The following CNPY1 variants were observed in gnomAD, a reference collection of about 807,000 sequenced individuals.
The protein encoded by CNPY1 is canopy FGF signaling regulator 1, also known as protein canopy homolog 1.
CNPY1 carries 14 observed loss-of-function variants against 14.4 expected under a neutral mutation model. That is an observed-to-expected ratio of 0.97 (90% confidence interval 0.64 to 1.52). The LOEUF (loss-of-function observed/expected upper bound fraction) is 1.52, where lower values mean the gene tolerates loss of function less well. Among genes scored for constraint, CNPY1 ranks in the 40% most tolerant of loss-of-function variants. The probability of loss-of-function intolerance (pLI) is 0.00; values close to 1 mark genes in which losing one functional copy is unlikely to be tolerated. For missense variants in CNPY1, 129 were observed against 131.5 expected (o/e 0.98, Z 0.09); for synonymous variants, 43 against 46.5 (o/e 0.92, Z 0.31).
At chr7:155,514,994 T>G (rs1796590246) in intron 2 of CNPY1, among the ~76,000 whole-genome samples, 1 of 152,214 alleles carries the variant, frequency 6.6e-6, no homozygotes, top group South Asian at 2.1e-4. Context: ...AAATTCTGCG[T>G]GCTTCATCTC....
At chr7:155,515,304 C>T (rs116748504) in intron 2 of CNPY1, among the ~76,000 whole-genome samples, 6 of 137,468 alleles carry the variant, frequency 4.4e-5, no homozygotes, top group South Asian at 2.4e-4. Context: ...GCCCCCCCCC[C>T]CCCCGGCCCC....
At chr7:155,540,757 G>A (rs918436793) in intron 2 of CNPY1, among the ~76,000 whole-genome samples, 8 of 152,202 alleles carry the variant, frequency 5.3e-5, no homozygotes, top group African/African-American at 1.4e-4. Flanking sequence ...ACTGGAGCTC[G>A]GAGGTTCAAA....
chr7:155,519,522 A>AAAAT (rs58372261), intron 2 of CNPY1, among the ~76,000 whole-genome samples: 35,162 of 140,874 alleles, frequency 0.25, 5,024 homozygotes, highest in African/African-American at 0.36. Context: ...CCCTGTCTCA[A>AAAAT]AAATAAATAA....
rs1435779358 is a variant in CNPY1, at chr7:155,536,150, T to C, written c.99+9681A>G. Among the ~76,000 whole-genome samples the C allele has an allele frequency of 1.3e-5, 2 of 152,158 alleles. No individual in the cohort carries two copies. The highest frequency in any genetic ancestry group is 2.4e-5 in the African/African-American group (1 of 41,412). ...GATCCAGGTGCCATTTGAAATGGGA[T>C]GCTGTAAATCCATGGCATGCAGTGG... On this transcript the variant is annotated intron_variant, in intron 2 of 4. Coordinates refer to ENST00000636446, the MANE Select transcript of CNPY1 (RefSeq NM_001393663.1). This position sits in a 1 kb window ranked among gnomAD's most constrained non-coding sequence, Gnocchi z 4.1.
chr7:155,536,375 A>G lies in CNPY1; in HGVS notation c.99+9456T>C, dbSNP rs146986690. The stretch of plus-strand genomic sequence containing the variant: ...AGTCATAGGTTTCAGGAAACTTCTC[A>G]GGTCACCAAATGCATCCAGGGCCAT... On this transcript the variant is annotated intron_variant, in intron 2 of 4. Coordinates refer to ENST00000636446, the MANE Select transcript of CNPY1 (RefSeq NM_001393663.1). This position sits in a 1 kb window ranked among gnomAD's most constrained non-coding sequence, Gnocchi z 4.1. Among the ~76,000 whole-genome samples, 2 of 152,206 alleles carry G rather than the reference A, an allele frequency of 1.3e-5. No homozygotes were observed. Among genetic ancestry groups the G allele is most frequent in the Non-Finnish European group, 2.9e-5 (2 of 68,010 alleles).
intron 2 of CNPY1, among the ~76,000 whole-genome samples, chr7:155,543,766 A>G (rs1200965173): frequency 6.6e-6 from 1 of 152,190 alleles, no homozygotes; most frequent in African/African-American, 2.4e-5. Context: ...TTGCAGAGAG[A>G]AGTCTCCGTG....
intron 2 of CNPY1, among the ~76,000 whole-genome samples, chr7:155,527,062 T>TTCTTTCTTTC (rs1257674119): frequency 1.2e-4 from 2 of 16,352 alleles, no homozygotes; most frequent in African/African-American, 4.5e-4. Context: ...TTCTTTTTTT[T>TTCTTTCTTTC]TTTTTTTTTG....
intron 2 of CNPY1, among the ~76,000 whole-genome samples, chr7:155,522,861 T>C (rs1796750609): frequency 6.6e-6 from 1 of 152,198 alleles, no homozygotes. Flanking sequence ...AATGTATCAC[T>C]TTCCTGCCAA....
chr7:155,520,084 A>C (rs1344850267), intron 2 of CNPY1, among the ~76,000 whole-genome samples: 1 of 152,248 alleles, frequency 6.6e-6, no homozygotes, highest in Admixed American at 6.5e-5. Context: ...CGCCGTAGGT[A>C]TACATTCCCG....
chr7:155,546,373 A>G lies in CNPY1; in HGVS notation c.-15+56T>C, dbSNP rs114473317. The G allele has an allele frequency of 2.5e-3, 993 of 394,326 alleles. 5 individuals carry two copies. Among genetic ancestry groups the G allele is most frequent in the African/African-American group, 0.019 (911 of 47,298 alleles). 24.4% of individuals were successfully genotyped at this position (394,326 alleles called of 1,614,324 possible). A position where few individuals can be genotyped will look rare whatever the true frequency, so the allele number is the denominator to read the frequency against. ...GCTAATTTTTTTTTTTTTTTAAGAG[A>G]CGGGGGGTCTCACTATGTTGCCCAG... On this transcript the variant is annotated intron_variant, in intron 1 of 4. Transcript: ENST00000636446.
chr7:155,526,455 C>G (rs535683140), intron 2 of CNPY1, among the ~76,000 whole-genome samples: 1 of 152,280 alleles, frequency 6.6e-6, no homozygotes, highest in South Asian at 2.1e-4. Flanking sequence ...AGAGGAGCCA[C>G]CGCACACAGA....
Position 155,523,971 on chromosome 7 carries a change from T to A in CNPY1, c.100-14874A>T, listed in dbSNP as rs151111303. 2.0e-5 allele frequency among the ~76,000 whole-genome samples: 3 copies of A among 151,348 alleles called. No homozygotes were observed. In the East Asian group the frequency reaches 5.9e-4, roughly 30 times the overall value. On this transcript the variant is annotated intron_variant, in intron 2 of 4. Transcript: ENST00000636446. ...TCTCTAATCCCAGGAACACCAAGAG[T>A]TGCCACCACCACCAGAAGCTAGAAA... is the stretch of plus-strand genomic sequence containing the variant.
intron 2 of CNPY1, among the ~76,000 whole-genome samples, chr7:155,537,688 G>A (rs1352492033): frequency 3.3e-5 from 5 of 152,106 alleles, no homozygotes; most frequent in African/African-American, 1.2e-4. Flanking sequence ...GCCTCCCAAA[G>A]TGCCGGGATT....
At chr7:155,525,161 A>G (rs75086808) in intron 2 of CNPY1, among the ~76,000 whole-genome samples, 36,589 of 152,042 alleles carry the variant, frequency 0.24, 5,194 homozygotes, top group Middle Eastern at 0.31. Context: ...TGAGGATAGT[A>G]TAGCATTTCA....
intron 2 of CNPY1, among the ~76,000 whole-genome samples, chr7:155,522,655 G>A (rs912648912): frequency 4.6e-5 from 7 of 152,054 alleles, no homozygotes; most frequent in African/African-American, 9.7e-5. Context: ...TGAGCACCTC[G>A]TCTTCATGGA....
chr7:155,544,954 T>C (rs1167007730), intron 2 of CNPY1, among the ~76,000 whole-genome samples: 1 of 152,216 alleles, frequency 6.6e-6, no homozygotes, highest in Admixed American at 6.5e-5. Context: ...AAGGGCTGCC[T>C]GTCACAGCCC....
chr7:155,540,874 A>G (rs1797076707), intron 2 of CNPY1, among the ~76,000 whole-genome samples: 1 of 152,182 alleles, frequency 6.6e-6, no homozygotes, highest in African/African-American at 2.4e-5. Context: ...GCCTTTCATC[A>G]CTGGGAGAGG....
chr7:155,535,259 A>G lies in CNPY1; in HGVS notation c.99+10572T>C, dbSNP rs1454672221. 1.9e-4 allele frequency among the ~76,000 whole-genome samples: 29 copies of G among 152,208 alleles called. 1 individual carries two copies. The highest frequency in any genetic ancestry group is 1.7e-3 in the Admixed American group (26 of 15,274). On this transcript the variant is annotated intron_variant, in intron 2 of 4. Coordinates refer to ENST00000636446, the MANE Select transcript of CNPY1 (RefSeq NM_001393663.1). ...GCCAGGGCTTCAATCATCATGGAGTATTAATGCCAGCTGTTCCTATGTGCC... is the reference window on the plus strand; with the variant it reads ...GCCAGGGCTTCAATCATCATGGAGTGTTAATGCCAGCTGTTCCTATGTGCC...
chr7:155,502,777 G>A lies in CNPY1; in HGVS notation c.*291C>T, dbSNP rs1585285161. Reference sequence around the variant, plus strand: ...CCTATTTTGTTTATGAAATGTCTTCGCTTTTTTCCTCAATACAGAATTAAA... The same window carrying A: ...CCTATTTTGTTTATGAAATGTCTTCACTTTTTTCCTCAATACAGAATTAAA... On this transcript the variant is annotated 3_prime_UTR_variant, in exon 5 of 5. Coordinates refer to ENST00000636446, the MANE Select transcript of CNPY1 (RefSeq NM_001393663.1). 4 of 395,396 alleles carry A rather than the reference G, an allele frequency of 1.0e-5. No individual in the cohort carries two copies. The highest frequency in any genetic ancestry group is 3.7e-5 in the East Asian group (1 of 26,674). The allele number at this position is 395,396 out of a possible 1,614,324, so 24.5% of individuals were successfully genotyped here. A position where few individuals can be genotyped will look rare whatever the true frequency, so the allele number is the denominator to read the frequency against.
Sources: allele counts gnomAD v4.1 joint callset (sites outside exome capture counted in the v4.1 genomes callset), GRCh38; gene constraint gnomAD v4.1.1; non-coding constraint Gnocchi (gnomAD v3.1); transcripts MANE v1.5; gene names NCBI Gene and HGNC (gene_info 2026-07-23, HGNC 2026-07-21).